CAMTA1: variants seen among roughly 807,000 people sequenced by gnomAD.
CAMTA1 encodes the protein calmodulin-binding transcription activator 1.
CAMTA1 carries 27 observed loss-of-function variants against 170.9 expected under a neutral mutation model. That is an observed-to-expected ratio of 0.16 (90% CI 0.12 to 0.22). The LOEUF is 0.22. CAMTA1 is among the 10% of genes least tolerant of loss of function. The probability of loss-of-function intolerance (pLI) is 1.00; values close to 1 mark genes in which losing one functional copy is unlikely to be tolerated. For synonymous variants in CAMTA1, 833 were observed against 891.5 expected (o/e 0.93, Z 1.17); for missense variants, 1,619 against 2,217.2 (o/e 0.73, Z 5.42).
chr1:7,259,065 C>T (rs990129398), intron 5 of CAMTA1, among the ~76,000 whole-genome samples: 1 of 152,140 alleles, frequency 6.6e-6, no homozygotes, highest in Admixed American at 6.6e-5. Context: ...GAGCTCCTCA[C>T]GCAGCAGCTC....
At chr1:7,495,732 C>T (rs1347715379) in intron 6 of CAMTA1, among the ~76,000 whole-genome samples, 1 of 152,214 alleles carries the variant, frequency 6.6e-6, no homozygotes, top group Non-Finnish European at 1.5e-5. Flanking sequence ...AATTCCTACC[C>T]CCAGATTTAA....
intron 3 of CAMTA1, among the ~76,000 whole-genome samples, chr1:6,927,566 C>T (rs1280142255): frequency 6.6e-6 from 1 of 152,206 alleles, no homozygotes; most frequent in Non-Finnish European, 1.5e-5. Flanking sequence ...TCAGATTAGA[C>T]ACCAGTGCCC....
intron 3 of CAMTA1, among the ~76,000 whole-genome samples, chr1:6,946,684 G>A (rs1687626189): frequency 6.6e-6 from 1 of 152,140 alleles, no homozygotes; most frequent in African/African-American, 2.4e-5. Context: ...TCATTGTGTT[G>A]TGAGAGTTCT....
chr1:6,891,446 C>T (rs770321411), intron 3 of CAMTA1, among the ~76,000 whole-genome samples: 5 of 152,182 alleles, frequency 3.3e-5, no homozygotes, highest in Non-Finnish European at 7.3e-5. Flanking sequence ...TTTTAGCTTG[C>T]CCTGTGTCTG....
At chr1:6,797,747 G>A (rs1322638360) in intron 1 of CAMTA1, among the ~76,000 whole-genome samples, 2 of 152,006 alleles carry the variant, frequency 1.3e-5, no homozygotes, top group African/African-American at 4.8e-5. Flanking sequence ...ATTCTTAAAT[G>A]AAACTAGAGC....
At chr1:6,955,019 T>C (rs1205795922) in intron 3 of CAMTA1, among the ~76,000 whole-genome samples, 2 of 151,944 alleles carry the variant, frequency 1.3e-5, no homozygotes, top group Non-Finnish European at 2.9e-5. Context: ...TTATTGATTG[T>C]TGTCTCCGGA....
At chr1:7,214,365 AT>A (rs1301183051) in intron 4 of CAMTA1, among the ~76,000 whole-genome samples, 1 of 151,926 alleles carries the variant, frequency 6.6e-6, no homozygotes, top group Non-Finnish European at 1.5e-5. Context: ...CAAAGATTTT[AT>A]TTATTTTTTT....
At chr1:7,165,877 C>T (rs1355762659) in intron 4 of CAMTA1, among the ~76,000 whole-genome samples, 1 of 152,032 alleles carries the variant, frequency 6.6e-6, no homozygotes, top group Admixed American at 6.6e-5. Flanking sequence ...AGTGTTAGAT[C>T]CTTACAGAGA....
At chr1:7,425,788 G>A (rs983851613) in intron 5 of CAMTA1, among the ~76,000 whole-genome samples, 25 of 151,804 alleles carry the variant, frequency 1.6e-4, no homozygotes, top group African/African-American at 5.1e-4. Context: ...CCACTTGCTC[G>A]CTTCCTAGAC....
At chr1:7,457,894 C>A (rs530845535) in intron 5 of CAMTA1, among the ~76,000 whole-genome samples, 173 of 152,336 alleles carry the variant, frequency 1.1e-3, no homozygotes, top group Non-Finnish European at 1.9e-3. Flanking sequence ...GATCCCCCTT[C>A]CGCGGAGCTC....
At chr1:7,434,216 T>A (rs1437162677) in intron 5 of CAMTA1, among the ~76,000 whole-genome samples, 2 of 152,196 alleles carry the variant, frequency 1.3e-5, no homozygotes, top group East Asian at 3.9e-4. Context: ...AACTCTCTGC[T>A]CTTTCCCAAG....
At chr1:7,487,203 G>A (rs574381971) in intron 6 of CAMTA1, among the ~76,000 whole-genome samples, 1 of 152,224 alleles carries the variant, frequency 6.6e-6, no homozygotes, top group African/African-American at 2.4e-5. Flanking sequence ...GCCCCTCCAC[G>A]GTTATCGGCT....
intron 4 of CAMTA1, among the ~76,000 whole-genome samples, chr1:7,218,929 AG>A (rs1158542535): frequency 6.6e-6 from 1 of 151,958 alleles, no homozygotes; most frequent in Non-Finnish European, 1.5e-5. Flanking sequence ...GGGAGATTTG[AG>A]TTTTTGTGGC....
At chr1:7,302,719 G>A (rs1384836078) in intron 5 of CAMTA1, among the ~76,000 whole-genome samples, 1 of 152,160 alleles carries the variant, frequency 6.6e-6, no homozygotes, top group Non-Finnish European at 1.5e-5. Context: ...TGAGGGTCTT[G>A]CGTCTCAAGG....
At chr1:7,377,554 T>C (rs2086936238) in intron 5 of CAMTA1, among the ~76,000 whole-genome samples, 1 of 152,206 alleles carries the variant, frequency 6.6e-6, no homozygotes, top group South Asian at 2.1e-4. Flanking sequence ...TCTGTTTAGG[T>C]CCTCTGACCT....
chr1:6,823,202 G>A (rs1265940161), intron 2 of CAMTA1, among the ~76,000 whole-genome samples: 1 of 152,060 alleles, frequency 6.6e-6, no homozygotes, highest in African/African-American at 2.4e-5. Flanking sequence ...GAGAAGGGAG[G>A]TAAAGGCTCA....
In CAMTA1 at chr1:7,626,477, G is replaced by A. The variant is rs567770820; in HGVS notation, c.511-13923G>A. Among the ~76,000 whole-genome samples the A allele has an allele frequency of 1.8e-4, 27 of 152,274 alleles. 1 individual carries two copies. The highest frequency in any genetic ancestry group is 6.3e-4 in the African/African-American group (26 of 41,564). ...AAACAGAAAGCCCACCAAACATCTC[G>A]GGACCCTACTCATAGTCAAGGTTGT... On this transcript the variant is annotated intron_variant, in intron 6 of 22. Transcript: ENST00000303635.
chr1:7,605,235 G>T (rs1030943852), intron 6 of CAMTA1, among the ~76,000 whole-genome samples: 1 of 152,222 alleles, frequency 6.6e-6, no homozygotes, highest in East Asian at 1.9e-4. Flanking sequence ...ATTTAAGTCT[G>T]CAGAGGTTAT....
At chr1:7,764,212 T>C (rs536961875) in intron 22 of CAMTA1, among the ~76,000 whole-genome samples, 1 of 152,300 alleles carries the variant, frequency 6.6e-6, no homozygotes, top group African/African-American at 2.4e-5. Flanking sequence ...TATATTTAAT[T>C]ATAAAATTTA....
Sources: allele counts gnomAD v4.1 joint callset (sites outside exome capture counted in the v4.1 genomes callset), GRCh38; gene constraint gnomAD v4.1.1; transcripts MANE v1.5; gene names NCBI Gene and HGNC (gene_info 2026-07-23, HGNC 2026-07-21).